Variants in NFU1 observed in about 807,000 individuals in gnomAD.
The protein encoded by NFU1 is NFU1 iron-sulfur cluster scaffold.
NFU1 carries 30 observed loss-of-function variants against 32.2 expected under a neutral mutation model. The observed-to-expected ratio is 0.93, with a 90% CI of 0.70 to 1.26. NFU1 has a LOEUF of 1.26. Among genes scored for constraint, NFU1 ranks in the 50% most tolerant of loss-of-function variants. The pLI is 0.00. For synonymous variants in NFU1, 112 were observed against 104.6 expected (o/e 1.07, Z -0.43); for missense variants, 306 against 306.6 (o/e 1.00, Z 0.02).
chr2:69,426,105 TG>T (rs1228910196), intron 2 of NFU1, among the ~76,000 whole-genome samples: 1 of 152,114 alleles, frequency 6.6e-6, no homozygotes, highest in Non-Finnish European at 1.5e-5. Context: ...CCCAAGTGGC[TG>T]GAACTACAGG....
intron 1 of NFU1, among the ~76,000 whole-genome samples, chr2:69,436,023 C>T (rs1262372128): frequency 6.6e-6 from 1 of 151,760 alleles, no homozygotes; most frequent in Admixed American, 6.6e-5. Flanking sequence ...GGATTACAGG[C>T]GTGAGCCACC....
intron 1 of NFU1, among the ~76,000 whole-genome samples, chr2:69,435,045 G>A (rs1413104607): frequency 6.6e-6 from 1 of 152,160 alleles, no homozygotes; most frequent in East Asian, 1.9e-4. Flanking sequence ...GGAGTAATTG[G>A]GGAAGTTGCA....
At chr2:69,417,527 C>T (rs964147061) in intron 4 of NFU1, among the ~76,000 whole-genome samples, 2 of 151,694 alleles carry the variant, frequency 1.3e-5, no homozygotes, top group Non-Finnish European at 2.9e-5. Context: ...TGGCATGCAC[C>T]TGTAGTCCCA....
At chr2:69,404,615 A>ATATTTTTTTTTTTTTTTTTTTTTTTTT (rs1426118283) in intron 6 of NFU1, among the ~76,000 whole-genome samples, 3 of 73,008 alleles carry the variant, frequency 4.1e-5, no homozygotes, top group African/African-American at 6.3e-5. Context: ...ATCTTAGCAA[A>ATATTTTTTTTTTTTTTTTTTTTTTTTT]TTTTTTTTTT....
chr2:69,428,274 A>T (rs1202447479), intron 2 of NFU1, among the ~76,000 whole-genome samples: 1 of 151,926 alleles, frequency 6.6e-6, no homozygotes, highest in African/African-American at 2.4e-5. Flanking sequence ...AAAATACAAA[A>T]ATTAGCCAGG....
At chr2:69,409,426 A>ATC (rs1464030995) in intron 5 of NFU1, among the ~76,000 whole-genome samples, 1 of 152,102 alleles carries the variant, frequency 6.6e-6, no homozygotes. Flanking sequence ...CCTTGTGCAT[A>ATC]TCTCTAAGAC....
At chr2:69,423,243 AGTGTGTGTGTGTGTGTGTGTGT>A (rs772105664) in intron 3 of NFU1, among the ~76,000 whole-genome samples, 223 of 88,030 alleles carry the variant, frequency 2.5e-3, no homozygotes, top group African/African-American at 0.01. Context: ...TCTCTGTGTG[AGTGTGTGTGTGTGTGTGTGTGT>A]GTGTGTGTGT....
chr2:69,407,112 C>T (rs1672719881), intron 5 of NFU1, among the ~76,000 whole-genome samples: 1 of 152,076 alleles, frequency 6.6e-6, no homozygotes, highest in African/African-American at 2.4e-5. Flanking sequence ...ATTGCCCAGT[C>T]TCAGGTATGT....
chr2:69,401,854 T>G (rs1353391692), intron 6 of NFU1, among the ~76,000 whole-genome samples: 3 of 152,094 alleles, frequency 2.0e-5, no homozygotes, highest in African/African-American at 7.2e-5. Flanking sequence ...CTAATGAGGT[T>G]AAGCATTTTT....
At position 69,412,029 on chromosome 2, in the gene NFU1, T is replaced by G. The variant is rs370260413; in HGVS notation, c.484+3156A>C. ...CACTTGAAGACCAGCCTGGGCAACC[T>G]AACAAGATCTCATCTCCACAAAAAA... On this transcript the variant is annotated intron_variant, in intron 5 of 7. Transcript: ENST00000410022. Among the ~76,000 whole-genome samples the G allele has an allele frequency of 3.9e-5, 6 of 152,280 alleles. No individual in the cohort carries two copies. In the East Asian group the frequency reaches 7.7e-4, roughly 20 times the overall value.
At chr2:69,404,615 A>ATATTTTTTTTTTTTTTTTTTT (rs1426118283) in intron 6 of NFU1, among the ~76,000 whole-genome samples, 25 of 73,008 alleles carry the variant, frequency 3.4e-4, no homozygotes, top group South Asian at 1.1e-3. Flanking sequence ...ATCTTAGCAA[A>ATATTTTTTTTTTTTTTTTTTT]TTTTTTTTTT....
At chr2:69,421,373 T>C (rs1461815275) in intron 3 of NFU1, among the ~76,000 whole-genome samples, 1 of 151,916 alleles carries the variant, frequency 6.6e-6, no homozygotes, top group Non-Finnish European at 1.5e-5. Context: ...AAACGAGACA[T>C]ATAAAATGGC....
At position 69,423,243 on chromosome 2, in the gene NFU1, AGTGTGTGTGTGTGTGT is replaced by A. The variant is rs772105664; in HGVS notation, c.302+323_302+338del. Among the ~76,000 whole-genome samples the A allele has an allele frequency of 0.37, 32,144 of 86,296 alleles. 5,388 individuals carry two copies. Among genetic ancestry groups the A allele is most frequent in the African/African-American group, 0.44 (8,742 of 19,786 alleles). The allele number at this position is 86,296 out of a possible 152,430, so 56.6% of individuals were successfully genotyped here. On this transcript the variant is annotated intron_variant, in intron 3 of 7. Coordinates refer to ENST00000410022, the MANE Select transcript of NFU1 (RefSeq NM_001002755.4). ...CGGGTAGAGATGGGCTCTCTGTGTG[AGTGTGTGTGTGTGTGT>A]GTGTGTGTGTGTGTGTGTGTGTGTG...
Position 69,423,657 on chromosome 2 carries a change from G to A in NFU1, c.227C>T (p.Pro76Leu), listed in dbSNP as rs758950363. 1.2e-6 allele frequency: 2 copies of A among 1,611,880 alleles called. No individual in the cohort carries two copies. Among genetic ancestry groups the A allele is most frequent in the Non-Finnish European group, 1.7e-6 (2 of 1,178,170 alleles). The change falls in exon 3 of 8, where the codon CCA (proline) becomes CTA (leucine). Residue 76 changes from proline to leucine, a missense_variant. Physicochemically the swap from Pro to Leu is moderately conservative, Grantham distance 98. Coordinates refer to ENST00000410022, the MANE Select transcript of NFU1 (RefSeq NM_001002755.4). Reference sequence around the variant, plus strand: ...CCTTGTCTCAAGAACTGGTTTTCCTGGTATAAACTTTAAGCTGTTTGGATT... The same window carrying A: ...CCTTGTCTCAAGAACTGGTTTTCCTAGTATAAACTTTAAGCTGTTTGGATT... ...TPNPNSLKFI[P>L]GKPVLETRTM...
At chr2:69,400,607 A>G in intron 6 of NFU1, 69 bp from the exon 7 acceptor site, 6 of 1,330,130 alleles carry the variant, frequency 4.5e-6, no homozygotes, top group East Asian at 2.3e-5. Flanking sequence ...AATTTAATAC[A>G]GCTCAGAGCT....
intron 2 of NFU1, among the ~76,000 whole-genome samples, chr2:69,429,287 G>T (rs1673561263): frequency 6.6e-6 from 1 of 152,086 alleles, no homozygotes; most frequent in Non-Finnish European, 1.5e-5. Flanking sequence ...GCTTCAACTG[G>T]GTGCATCAGC....
chr2:69,431,961 G>C lies in NFU1; in HGVS notation c.107C>G (p.Pro36Arg). 1 of 1,613,730 alleles carries C rather than the reference G, an allele frequency of 6.2e-7. No individual in the cohort carries two copies. The highest frequency in any genetic ancestry group is 8.5e-7 in the Non-Finnish European group (1 of 1,179,724). Residue 36 changes from proline (P) to arginine (R), a missense_variant, in exon 2 of 8, where the codon CCT becomes CGT. By Grantham distance (103) the Pro-to-Arg change is moderately radical (BLOSUM62 -2). Transcript: ENST00000410022. ...LKNPYTIKKQ[P>R]LHQFVQRPLF... ...TGGTCTTTGTACAAACTGATGCAGA[G>C]GCTGTTTCTTAATGGTGTATGGATT...
chr2:69,400,197 C>G (rs1368817567), intron 7 of NFU1, 167 bp downstream of exon 7: 2 of 654,750 alleles, frequency 3.1e-6, no homozygotes, highest in Non-Finnish European at 5.4e-6. Context: ...AAATAAGAGA[C>G]TTCAAGTCTG....
At chr2:69,396,585 A>G (rs1166832453) in intron 7 of NFU1, among the ~76,000 whole-genome samples, 1 of 151,750 alleles carries the variant, frequency 6.6e-6, no homozygotes, top group Admixed American at 6.6e-5. Flanking sequence ...CCTGGGAAGC[A>G]GAGCTTGCAG....
Sources: gnomAD v4.1 joint callset for allele counts (sites outside exome capture counted in the v4.1 genomes callset) on GRCh38, gnomAD v4.1.1 for gene constraint, MANE v1.5 for transcripts, NCBI Gene and HGNC (gene_info 2026-07-23, HGNC 2026-07-21) for gene names.